The following NADK2 variants were observed in gnomAD, a reference collection of about 807,000 sequenced individuals.
The protein encoded by NADK2 is NAD kinase domain-containing protein 1, mitochondrial.
NADK2 carries 35 observed loss-of-function variants against 62.1 expected under a neutral mutation model. The observed-to-expected ratio is 0.56, with a 90% CI of 0.43 to 0.75. The LOEUF is 0.75. Among genes scored for constraint, NADK2 ranks in the 30% least tolerant of loss-of-function variants. The pLI is 0.00. For synonymous variants in NADK2, 205 were observed against 207.9 expected (o/e 0.99, Z 0.12); for missense variants, 439 against 561.3 (o/e 0.78, Z 2.20).
chr5:36,208,449 G>T (rs1357927930), intron 7 of NADK2, among the ~76,000 whole-genome samples: 1 of 151,984 alleles, frequency 6.6e-6, no homozygotes, highest in Non-Finnish European at 1.5e-5. Flanking sequence ...AGGGGGCATG[G>T]GTAGAAAAGA....
chr5:36,240,448 GTC>G (rs758863174), intron 1 of NADK2, among the ~76,000 whole-genome samples: 1 of 152,222 alleles, frequency 6.6e-6, no homozygotes, highest in Non-Finnish European at 1.5e-5. Context: ...CCAACAGGTT[GTC>G]TAGTCTTGCA....
intron 4 of NADK2, chr5:36,221,823 T>A (rs1269860016): frequency 6.6e-6 from 1 of 152,208 alleles, no homozygotes; most frequent in East Asian, 1.9e-4. Context: ...ACCTTAATGA[T>A]ATAAAAATAA....
intron 4 of NADK2, among the ~76,000 whole-genome samples, chr5:36,224,258 G>T (rs1747391977): frequency 2.0e-5 from 3 of 152,070 alleles, no homozygotes. Context: ...AAAGGATGAT[G>T]GTCAGATTGA....
intron 10 of NADK2, 145 bp downstream of exon 10, chr5:36,200,082 G>T (rs190807275): frequency 1.3e-4 from 53 of 415,222 alleles, no homozygotes; most frequent in Non-Finnish European, 1.2e-4. Flanking sequence ...TCTTTATGTT[G>T]CTTAAAGACA....
chr5:36,241,943 A>T (rs970971963), upstream of NADK2: 37 of 654,806 alleles, frequency 5.7e-5, no homozygotes, highest in Middle Eastern at 1.2e-3. The surrounding 1 kb of genome is among the most constrained non-coding windows in gnomAD (Gnocchi z 4.9). Flanking sequence ...TGCGTGGCCC[A>T]CGCGGCTAGG....
chr5:36,211,796 G>T, intron 7 of NADK2, 48 bp downstream of exon 7: 1 of 1,471,260 alleles, frequency 6.8e-7, no homozygotes, highest in Non-Finnish European at 9.4e-7. Flanking sequence ...ATATCCAAAA[G>T]CACTAAAACA....
chr5:36,201,915 T>C (rs1579599173), intron 8 of NADK2, among the ~76,000 whole-genome samples: 1 of 152,060 alleles, frequency 6.6e-6, no homozygotes, highest in Non-Finnish European at 1.5e-5. Flanking sequence ...CCGGGGTCTA[T>C]AAAGATCACT....
Position 36,241,924 on chromosome 5 carries a change from G to T in NADK2, c.-126C>A. 1 of 798,452 alleles carries T rather than the reference G, an allele frequency of 1.3e-6. No individual in the cohort carries two copies. Among genetic ancestry groups the T allele is most frequent in the Non-Finnish European group, 1.6e-6 (1 of 636,520 alleles). 49.5% of individuals were successfully genotyped at this position (798,452 alleles called of 1,614,324 possible). A position where few individuals can be genotyped will look rare whatever the true frequency, so the allele number is the denominator to read the frequency against. ...CGCGCCGGACGGGCAGAGGTTAAGT[G>T]CCAGGACGTGCGTGGCCCACGCGGC... On this transcript the variant is annotated 5_prime_UTR_variant, in exon 1 of 12. Transcript: ENST00000381937. This position sits in a 1 kb window ranked among gnomAD's most constrained non-coding sequence, Gnocchi z 4.9.
chr5:36,214,455 C>T (rs1746969391), intron 6 of NADK2, among the ~76,000 whole-genome samples: 1 of 152,204 alleles, frequency 6.6e-6, no homozygotes, highest in Admixed American at 6.5e-5. Flanking sequence ...GCTGGAATTA[C>T]AGGCGTGAAC....
Position 36,241,431 on chromosome 5 carries a change from A to G in NADK2, c.300+68T>C. ...AGAGTCGTCCCGAGAGGTCCCCCCG[A>G]GGGGGCGCAGCCGCCACCAGAGCCC... On this transcript the variant is annotated intron_variant, in intron 1 of 11. Coordinates refer to ENST00000381937, the MANE Select transcript of NADK2 (RefSeq NM_001085411.3). The surrounding 1 kb of genome is among the most constrained non-coding windows in gnomAD (Gnocchi z 4.9). 6.9e-7 allele frequency: 1 copy of G among 1,458,456 alleles called. No homozygotes were observed. The highest frequency in any genetic ancestry group is 9.0e-7 in the Non-Finnish European group (1 of 1,108,182). 90.3% of individuals were successfully genotyped at this position (1,458,456 alleles called of 1,614,324 possible).
chr5:36,215,279 G>A (rs576101469), intron 6 of NADK2, among the ~76,000 whole-genome samples: 24 of 152,242 alleles, frequency 1.6e-4, no homozygotes, highest in African/African-American at 5.8e-4. Context: ...TCTTGCCTAA[G>A]TTTCCTAATT....
chr5:36,202,345 G>C (rs1300905842), intron 8 of NADK2, among the ~76,000 whole-genome samples: 3 of 151,962 alleles, frequency 2.0e-5, no homozygotes, highest in Non-Finnish European at 2.9e-5. Context: ...AGCATGTATG[G>C]AGAAAAAGGA....
intron 3 of NADK2, 143 bp from the exon 4 acceptor site, chr5:36,225,766 T>A (rs1747460260): frequency 1.6e-6 from 1 of 621,086 alleles, no homozygotes; most frequent in Non-Finnish European, 2.8e-6. Flanking sequence ...TTTCTACCTA[T>A]TATACCTTTG....
At chr5:36,200,373 T>C (rs1276971077) in intron 9 of NADK2, 93 bp from the exon 10 acceptor site, 4 of 617,378 alleles carry the variant, frequency 6.5e-6, no homozygotes, top group Non-Finnish European at 9.7e-6. Flanking sequence ...ATGCTTAAAG[T>C]GTATATGTGT....
chr5:36,237,897 G>A lies in NADK2; in HGVS notation c.300+3602C>T, dbSNP rs115290473. On this transcript the variant is annotated intron_variant, in intron 1 of 11. Coordinates refer to ENST00000381937, the MANE Select transcript of NADK2 (RefSeq NM_001085411.3). ...TCCACAAACTGAGTCAGAGTCTTGC[G>A]GGGCTAAGGTTCAGGTGTCTGCATT... Among the ~76,000 whole-genome samples, 573 of 152,202 alleles carry A rather than the reference G, an allele frequency of 3.8e-3. 3 individuals are homozygous for A. Among genetic ancestry groups the A allele is most frequent in the African/African-American group, 0.013 (532 of 41,534 alleles).
intron 6 of NADK2, chr5:36,213,149 G>C (rs1746912374): frequency 6.6e-6 from 1 of 152,104 alleles, no homozygotes; most frequent in Non-Finnish European, 1.5e-5. Flanking sequence ...ATATACTGCT[G>C]TCCTGGCCAA....
chr5:36,223,392 T>C (rs886774141), intron 4 of NADK2, among the ~76,000 whole-genome samples: 2 of 152,082 alleles, frequency 1.3e-5, no homozygotes, highest in Non-Finnish European at 2.9e-5. Flanking sequence ...ACTCCAATAA[T>C]ACCACAGTAT....
rs1235936000 is a variant in NADK2, at chr5:36,194,116, T to C, written c.*1028A>G. On this transcript the variant is annotated 3_prime_UTR_variant, in exon 12 of 12. Transcript: ENST00000381937. Reference sequence around the variant, plus strand: ...TAATTTCCTCCAAAAATAAAGGAATTCTCATGGGGAAAAAAAAAAAGTCCT... The same window carrying C: ...TAATTTCCTCCAAAAATAAAGGAATCCTCATGGGGAAAAAAAAAAAGTCCT... 2 of 152,002 alleles carry C rather than the reference T, an allele frequency of 1.3e-5. No homozygotes were observed. Among genetic ancestry groups the C allele is most frequent in the African/African-American group, 4.8e-5 (2 of 41,384 alleles). 9.4% of individuals were successfully genotyped at this position (152,002 alleles called of 1,614,324 possible).
chr5:36,196,396 G>GT (rs1746234838), intron 11 of NADK2, among the ~76,000 whole-genome samples: 1 of 152,092 alleles, frequency 6.6e-6, no homozygotes, highest in Non-Finnish European at 1.5e-5. Flanking sequence ...GGTCAATCAT[G>GT]TTTTTTGTGT....
Sources: allele counts gnomAD v4.1 joint callset (sites outside exome capture counted in the v4.1 genomes callset), GRCh38; gene constraint gnomAD v4.1.1; non-coding constraint Gnocchi (gnomAD v3.1); transcripts MANE v1.5; gene names NCBI Gene and HGNC (gene_info 2026-07-23, HGNC 2026-07-21).